The following KIAA0825 variants were observed in gnomAD, a reference collection of about 807,000 sequenced individuals.
The protein encoded by KIAA0825 is uncharacterized protein KIAA0825.
In KIAA0825, 119 loss-of-function variants were observed where a neutral mutation model predicts 147.6. The ratio of observed to expected loss-of-function variants is 0.81; its 90% CI spans 0.69 to 0.94. The LOEUF is 0.94. Ranked by LOEUF, KIAA0825 falls within the 40% of genes least tolerant of loss-of-function variation. KIAA0825 has a pLI of 0.00. For synonymous variants in KIAA0825, 470 were observed against 518.1 expected, an observed-to-expected ratio of 0.91 and a Z score of 1.26; for missense variants, 1,381 against 1,472.7, an observed-to-expected ratio of 0.94 and a Z score of 1.02.
intron 5 of KIAA0825, among the ~76,000 whole-genome samples, chr5:94,513,092 C>A (rs1186569072): frequency 6.6e-6 from 1 of 152,056 alleles, no homozygotes; most frequent in African/African-American, 2.4e-5. Flanking sequence ...TGAATAGTTG[C>A]AAGATAAGTT....
chr5:94,356,665 T>G (rs1784297832), intron 20 of KIAA0825, among the ~76,000 whole-genome samples: 2 of 150,650 alleles, frequency 1.3e-5, no homozygotes, highest in Admixed American at 1.3e-4. Flanking sequence ...TTTGAAAATT[T>G]CATTTTGTCA....
At chr5:94,470,481 G>A (rs767931494) in intron 9 of KIAA0825, among the ~76,000 whole-genome samples, 14 of 152,102 alleles carry the variant, frequency 9.2e-5, no homozygotes, top group Admixed American at 2.0e-4. Flanking sequence ...GCACTTGTCA[G>A]AACCAACTTT....
rs1760061970 is a variant in KIAA0825 at position 94,463,264 on chromosome 5, C to A, written c.2064-695G>T. 2.0e-5 allele frequency among the ~76,000 whole-genome samples: 3 copies of A among 151,104 alleles called. No homozygotes were observed. The South Asian group carries it at 6.2e-4, about 31-fold the overall frequency. On this transcript the variant is annotated intron_variant, in intron 11 of 20. Coordinates refer to ENST00000682413, the MANE Select transcript of KIAA0825 (RefSeq NM_001145678.3). ...TTGAACAGACCTCAGTTAGTTTCTT[C>A]TTTTATTTGTCTTTTACATTCAGGG...
chr5:94,511,411 A>G (rs1253949428), intron 5 of KIAA0825, among the ~76,000 whole-genome samples: 1 of 152,220 alleles, frequency 6.6e-6, no homozygotes, highest in African/African-American at 2.4e-5. Context: ...ACCTGAGGTC[A>G]GGAGTTCCAG....
intron 20 of KIAA0825, among the ~76,000 whole-genome samples, chr5:94,154,348 A>T (rs1200898401): frequency 6.6e-6 from 1 of 152,228 alleles, no homozygotes; most frequent in Admixed American, 6.5e-5. Context: ...GCTCCACTTC[A>T]GGATAAAGTT....
chr5:94,332,817 A>T (rs1781417896), intron 20 of KIAA0825, among the ~76,000 whole-genome samples: 1 of 152,100 alleles, frequency 6.6e-6, no homozygotes, highest in Admixed American at 6.5e-5. Context: ...TATCTTCCAT[A>T]TTGGTTGAAC....
At chr5:94,422,661 G>A (rs1029281767) in intron 14 of KIAA0825, among the ~76,000 whole-genome samples, 3 of 151,918 alleles carry the variant, frequency 2.0e-5, no homozygotes, top group African/African-American at 7.3e-5. Context: ...CTTTCCCTCT[G>A]CCTTCTGGAC....
intron 20 of KIAA0825, among the ~76,000 whole-genome samples, chr5:94,198,511 C>G (rs1057035218): frequency 6.6e-6 from 1 of 151,566 alleles, no homozygotes; most frequent in Admixed American, 6.6e-5. Context: ...GAAAACCAAA[C>G]ACTGCATGTT....
intron 14 of KIAA0825, among the ~76,000 whole-genome samples, chr5:94,419,240 G>T (rs1753861299): frequency 6.6e-6 from 1 of 152,086 alleles, no homozygotes; most frequent in African/African-American, 2.4e-5. Flanking sequence ...AAACGGTCTC[G>T]ACTATTTCCC....
chr5:94,200,981 A>ATATATG (rs1554242040), intron 20 of KIAA0825, among the ~76,000 whole-genome samples: 4 of 136,410 alleles, frequency 2.9e-5, no homozygotes, highest in Admixed American at 2.2e-4. Flanking sequence ...ATATATATAT[A>ATATATG]TATGTATATC....
At chr5:94,384,589 T>C in intron 19 of KIAA0825, 131 bp from the exon 20 acceptor site, 1 of 638,684 alleles carries the variant, frequency 1.6e-6, no homozygotes, top group Non-Finnish European at 2.7e-6. Context: ...CTTAGACAGA[T>C]AACATCAATC....
At chr5:94,268,525 T>C (rs550978350) in intron 20 of KIAA0825, among the ~76,000 whole-genome samples, 1 of 152,282 alleles carries the variant, frequency 6.6e-6, no homozygotes, top group East Asian at 1.9e-4. Context: ...TGGTTTGCTA[T>C]GCCACAAATA....
chr5:94,462,343 C>T (rs369457502), intron 12 of KIAA0825, 44 bp downstream of exon 12: 82 of 983,358 alleles, frequency 8.3e-5, no homozygotes, highest in African/African-American at 4.9e-4. Context: ...TTGTTAATCA[C>T]GTTATATCAT....
At chr5:94,415,286 T>C (rs962288720) in intron 15 of KIAA0825, 20 of 152,196 alleles carry the variant, frequency 1.3e-4, no homozygotes, top group Non-Finnish European at 2.6e-4. Context: ...CTTTAGTTAA[T>C]CTGGGTAGGT....
At chr5:94,541,237 G>T (rs1168046692) in intron 2 of KIAA0825, among the ~76,000 whole-genome samples, 1 of 152,258 alleles carries the variant, frequency 6.6e-6, no homozygotes, top group East Asian at 1.9e-4. Flanking sequence ...GACCTTATCT[G>T]CACTTCTGTC....
intron 20 of KIAA0825, among the ~76,000 whole-genome samples, chr5:94,159,007 A>T (rs940871607): frequency 1.3e-5 from 2 of 152,234 alleles, no homozygotes; most frequent in African/African-American, 4.8e-5. Flanking sequence ...AATTGTCCTC[A>T]TCTAATAAGA....
chr5:94,264,328 A>G (rs1407960421), intron 20 of KIAA0825, among the ~76,000 whole-genome samples: 2 of 152,190 alleles, frequency 1.3e-5, no homozygotes, highest in Non-Finnish European at 2.9e-5. Flanking sequence ...TAGTTAAACA[A>G]TAAGTTCTTC....
Position 94,471,459 on chromosome 5 carries a change from C to A in KIAA0825, c.1721+7G>T. Reference sequence around the variant, plus strand: ...GTGGCCATCATCTTAATTTAAACAACACTCACTTTTTAGTCATTTCCTTCA... The same window carrying A: ...GTGGCCATCATCTTAATTTAAACAAAACTCACTTTTTAGTCATTTCCTTCA... On this transcript the variant is annotated splice_region_variant and intron_variant, in intron 9 of 20. Transcript: ENST00000682413. 6.4e-7 allele frequency: 1 copy of A among 1,550,942 alleles called. No homozygotes were observed. The highest frequency in any genetic ancestry group is 1.2e-5 in the South Asian group (1 of 83,898).
intron 16 of KIAA0825, among the ~76,000 whole-genome samples, chr5:94,402,559 G>A (rs1441253720): frequency 6.6e-6 from 1 of 151,922 alleles, no homozygotes; most frequent in Non-Finnish European, 1.5e-5. Flanking sequence ...ATTGATTTGA[G>A]TTTGTAATAT....
Sources: allele counts gnomAD v4.1 joint callset (sites outside exome capture counted in the v4.1 genomes callset), GRCh38; gene constraint gnomAD v4.1.1; transcripts MANE v1.5; gene names NCBI Gene and HGNC (gene_info 2026-07-23, HGNC 2026-07-21).